LARGE1: variants seen among roughly 807,000 people sequenced by gnomAD.
LARGE1 encodes the protein LARGE xylosyl- and glucuronyltransferase 1, also known as xylosyl- and glucuronyltransferase LARGE1.
LARGE1 carries 43 observed loss-of-function variants against 87.6 expected under a neutral mutation model. That is an observed-to-expected ratio of 0.49 (90% CI 0.38 to 0.63). The LOEUF is 0.63. LARGE1 is among the 30% of genes least tolerant of loss of function. The pLI, the probability that LARGE1 is intolerant of heterozygous loss-of-function variation, is 0.00. For missense variants in LARGE1, 802 were observed against 1,000.2 expected (o/e 0.80, Z 2.67); for synonymous variants, 434 against 394.6 (o/e 1.10, Z -1.18).
At chr22:33,134,231 T>G in the LARGE1 span, among the ~76,000 whole-genome samples, 1 of 151,228 alleles carries the variant, frequency 6.6e-6, no homozygotes, top group East Asian at 2.0e-4. Context: ...ACCCATGTCA[T>G]AGTCTGCACT....
chr22:33,796,953 C>T (rs1022734949), intron 1 of LARGE1, among the ~76,000 whole-genome samples: 6 of 151,858 alleles, frequency 4.0e-5, no homozygotes, highest in East Asian at 1.9e-4. Flanking sequence ...TTAGTAGAGA[C>T]AAGGTTCACC....
rs71320972 is a variant in LARGE1, at chr22:33,379,262, C to CT, written c.1131+2656dup. Among the ~76,000 whole-genome samples, 503 of 130,678 alleles carry CT rather than the reference C, an allele frequency of 3.8e-3. 8 individuals are homozygous for CT. Among genetic ancestry groups the CT allele is most frequent in the East Asian group, 8.5e-3 (35 of 4,098 alleles). 85.7% of individuals were successfully genotyped at this position (130,678 alleles called of 152,430 possible). ...TTTATATTTGCTGAGTGATTTCTTT[C>CT]TTTTTTTTTTTTTTATTATACTTTA... On this transcript the variant is annotated intron_variant, in intron 9 of 14. Transcript: ENST00000397394.
chr22:33,700,782 G>T (rs930259795), intron 2 of LARGE1, among the ~76,000 whole-genome samples: 11 of 152,214 alleles, frequency 7.2e-5, no homozygotes, highest in Admixed American at 2.6e-4. Context: ...CAAAAGCAGG[G>T]AAGTGTGAAA....
chr22:33,645,933 A>C (rs577834866), intron 3 of LARGE1, among the ~76,000 whole-genome samples: 1 of 152,220 alleles, frequency 6.6e-6, no homozygotes, highest in South Asian at 2.1e-4. Flanking sequence ...TTAAAAAGTC[A>C]GGAAATAACA....
At chr22:33,153,114 C>T in the LARGE1 span, among the ~76,000 whole-genome samples, 4 of 152,156 alleles carry the variant, frequency 2.6e-5, no homozygotes, top group Admixed American at 1.3e-4. Flanking sequence ...AATTCCTTGT[C>T]TGCTACCTTA....
chr22:33,114,474 GT>G, the LARGE1 span, among the ~76,000 whole-genome samples: 1 of 152,138 alleles, frequency 6.6e-6, no homozygotes, highest in Non-Finnish European at 1.5e-5. Context: ...TTATGCCCAT[GT>G]TTAGTTATTA....
In LARGE1 at chr22:33,287,453, A is replaced by T. The variant is rs1045491659; in HGVS notation, c.1731-4105T>A. 1.2e-4 allele frequency among the ~76,000 whole-genome samples: 19 copies of T among 152,208 alleles called. No homozygotes were observed. In the South Asian group the frequency reaches 3.7e-3, roughly 30 times the overall value. Reference sequence around the variant, plus strand: ...CAAAGATGGATCTGTCACCAGATAGATCTATTTCAGAGTCAGTTCAAGTAG... The same window carrying T: ...CAAAGATGGATCTGTCACCAGATAGTTCTATTTCAGAGTCAGTTCAAGTAG... On this transcript the variant is annotated intron_variant, in intron 12 of 14. Coordinates refer to ENST00000397394, the MANE Select transcript of LARGE1 (RefSeq NM_133642.5).
At chr22:33,071,286 A>G in the LARGE1 span, among the ~76,000 whole-genome samples, 1 of 152,198 alleles carries the variant, frequency 6.6e-6, no homozygotes, top group Non-Finnish European at 1.5e-5. Context: ...GAAGATATTT[A>G]TGGGTTGCCT....
At chr22:33,672,292 C>A (rs1239589228) in intron 2 of LARGE1, among the ~76,000 whole-genome samples, 1 of 152,136 alleles carries the variant, frequency 6.6e-6, no homozygotes, top group African/African-American at 2.4e-5. Context: ...TCAGAAAAAC[C>A]GAAAATTGCA....
At chr22:33,898,774 A>C (rs1601875305) in intron 1 of LARGE1, among the ~76,000 whole-genome samples, 1 of 152,166 alleles carries the variant, frequency 6.6e-6, no homozygotes, top group Non-Finnish European at 1.5e-5. Flanking sequence ...CAAACAAACA[A>C]AAAGATTCTT....
At chr22:33,140,365 A>G in the LARGE1 span, among the ~76,000 whole-genome samples, 30 of 152,360 alleles carry the variant, frequency 2.0e-4, 1 homozygote, top group African/African-American at 6.7e-4. Flanking sequence ...CTCAAGTGCT[A>G]CAGTCTCTTG....
At chr22:33,532,490 T>A (rs1346299163) in intron 6 of LARGE1, among the ~76,000 whole-genome samples, 3 of 152,176 alleles carry the variant, frequency 2.0e-5, no homozygotes, top group Non-Finnish European at 4.4e-5. Context: ...ATCCATATAT[T>A]TCACATACAT....
intron 11 of LARGE1, among the ~76,000 whole-genome samples, chr22:33,245,560 T>C (rs529097246): frequency 3.6e-4 from 55 of 152,344 alleles, no homozygotes; most frequent in African/African-American, 1.3e-3. Flanking sequence ...TTTCATCTCC[T>C]TACAGTTTAA....
chr22:33,798,233 T>C (rs980945477), intron 1 of LARGE1, among the ~76,000 whole-genome samples: 5 of 152,256 alleles, frequency 3.3e-5, no homozygotes, highest in Non-Finnish European at 7.4e-5. Flanking sequence ...GAGGGTGCAG[T>C]GAGCCGAGAT....
At chr22:33,759,306 C>T (rs969763667) in intron 2 of LARGE1, among the ~76,000 whole-genome samples, 1 of 152,192 alleles carries the variant, frequency 6.6e-6, no homozygotes, top group Non-Finnish European at 1.5e-5. Context: ...GATTGTGTGA[C>T]ACCCTGTCAA....
rs138525570 is a variant in LARGE1 at position 33,866,032 on chromosome 22, A to C, written c.-83+53963T>G. Among the ~76,000 whole-genome samples, 819 of 151,402 alleles carry C rather than the reference A, an allele frequency of 5.4e-3. 3 individuals carry two copies. The highest frequency in any genetic ancestry group is 9.3e-3 in the Non-Finnish European group (631 of 67,840). On this transcript the variant is annotated intron_variant, in intron 1 of 14. Transcript: ENST00000397394. ...CCCAGCTAATTTTTGTAATTTTAGT[A>C]GAGATAGGGTTTCACCATGTTGCCC...
chr22:33,506,559 C>T (rs2070776846), intron 6 of LARGE1, among the ~76,000 whole-genome samples: 1 of 152,174 alleles, frequency 6.6e-6, no homozygotes, highest in African/African-American at 2.4e-5. Context: ...GAGGAGGATT[C>T]TGTCTTGTCT....
chr22:33,254,325 C>CA (rs1927152056), intron 11 of LARGE1, among the ~76,000 whole-genome samples: 1 of 152,130 alleles, frequency 6.6e-6, no homozygotes, highest in African/African-American at 2.4e-5. Context: ...AAGCAGGGGA[C>CA]AAAAACTAGG....
intron 1 of LARGE1, among the ~76,000 whole-genome samples, chr22:33,763,751 A>C (rs2084808065): frequency 6.6e-6 from 1 of 151,598 alleles, no homozygotes; most frequent in Non-Finnish European, 1.5e-5. Flanking sequence ...AGAGCCTTTA[A>C]TGAAGTGCTT....
Sources: gnomAD v4.1 joint callset for allele counts (sites outside exome capture counted in the v4.1 genomes callset) on GRCh38, gnomAD v4.1.1 for gene constraint, MANE v1.5 for transcripts, NCBI Gene and HGNC (gene_info 2026-07-23, HGNC 2026-07-21) for gene names.